The following SUDS3 variants were observed in gnomAD, a reference collection of about 807,000 sequenced individuals.
SUDS3 encodes sin3 histone deacetylase corepressor complex component SDS3.
A neutral mutation model predicts 53.5 loss-of-function variants in SUDS3; 23 were observed. The observed-to-expected ratio is 0.43, with a 90% CI of 0.31 to 0.61. The LOEUF is 0.61. Ranked by LOEUF, SUDS3 falls within the 20% of genes least tolerant of loss-of-function variation. SUDS3 has a pLI of 0.10. For missense variants in SUDS3, 291 were observed against 405.9 expected (o/e 0.72, Z 2.43); for synonymous variants, 150 against 148.5 (o/e 1.01, Z -0.08).
At chr12:118,392,595 G>A (rs1455921716) in intron 6 of SUDS3, among the ~76,000 whole-genome samples, 2 of 152,198 alleles carry the variant, frequency 1.3e-5, no homozygotes, top group African/African-American at 4.8e-5. Flanking sequence ...TTGTTCTTGT[G>A]AAAGTGCTTA....
intron 3 of SUDS3, among the ~76,000 whole-genome samples, chr12:118,385,230 T>C (rs964904420): frequency 2.0e-5 from 3 of 151,972 alleles, no homozygotes; most frequent in African/African-American, 4.8e-5. Context: ...TGCGTCAGCC[T>C]CCCGAGTAGC....
chr12:118,383,274 A>G (rs2046084315), intron 2 of SUDS3, among the ~76,000 whole-genome samples: 1 of 152,220 alleles, frequency 6.6e-6, no homozygotes, highest in African/African-American at 2.4e-5. Context: ...TCACTGTTAA[A>G]TTGAGGGTGT....
At chr12:118,402,654 A>G (rs1593775483) in intron 9 of SUDS3, 1 of 152,224 alleles carries the variant, frequency 6.6e-6, no homozygotes, top group South Asian at 2.1e-4. Context: ...TCTAGGTAAT[A>G]TCTTCCTGGG....
chr12:118,406,991 G>T (rs1225068038), intron 10 of SUDS3, among the ~76,000 whole-genome samples: 2 of 151,146 alleles, frequency 1.3e-5, no homozygotes, highest in African/African-American at 4.9e-5. Flanking sequence ...TGATCCCCCT[G>T]GCTCAAGCGA....
chr12:118,413,553 CAG>C (rs2046376113), intron 11 of SUDS3, among the ~76,000 whole-genome samples: 1 of 152,206 alleles, frequency 6.6e-6, no homozygotes, highest in African/African-American at 2.4e-5. Flanking sequence ...GTCTGGCACA[CAG>C]AGCTCAGTAA....
chr12:118,388,982 C>T (rs1488440675), intron 4 of SUDS3, among the ~76,000 whole-genome samples: 1 of 152,156 alleles, frequency 6.6e-6, no homozygotes. Flanking sequence ...AACCCCGTCT[C>T]TACTAAAAAT....
chr12:118,380,677 G>A (rs1054127162), intron 2 of SUDS3, among the ~76,000 whole-genome samples: 1 of 152,176 alleles, frequency 6.6e-6, no homozygotes, highest in Non-Finnish European at 1.5e-5. Flanking sequence ...AGGGAATGAG[G>A]CCGTACAACA....
intron 9 of SUDS3, 91 bp downstream of exon 9, chr12:118,402,095 T>C: frequency 6.8e-7 from 1 of 1,473,326 alleles, no homozygotes; most frequent in Non-Finnish European, 9.5e-7. Context: ...GTTGCAATTT[T>C]CAAAAATGAA....
At chr12:118,379,366 G>A (rs1241284536) in intron 1 of SUDS3, among the ~76,000 whole-genome samples, 1 of 152,158 alleles carries the variant, frequency 6.6e-6, no homozygotes, top group Non-Finnish European at 1.5e-5. Context: ...GAACCCAGGA[G>A]GTGGAGGTTG....
intron 6 of SUDS3, among the ~76,000 whole-genome samples, chr12:118,395,220 T>G (rs1437231442): frequency 2.4e-4 from 24 of 102,116 alleles, no homozygotes; most frequent in Non-Finnish European, 4.8e-4. Context: ...ATCAGGGTTT[T>G]TTTTTTTTTT....
rs2046384068 is a variant in SUDS3, at chr12:118,414,508, A to G, written c.*75A>G. ...TTTGTTTTGTTTCGTTTTCTCCTTAATAGAAAAATGTTAACTTACTGGGAA... is the reference window on the plus strand; with the variant it reads ...TTTGTTTTGTTTCGTTTTCTCCTTAGTAGAAAAATGTTAACTTACTGGGAA... On this transcript the variant is annotated 3_prime_UTR_variant, in exon 12 of 12. Coordinates refer to ENST00000543473, the MANE Select transcript of SUDS3 (RefSeq NM_022491.3). 2 of 1,229,126 alleles carry G rather than the reference A, an allele frequency of 1.6e-6. No homozygotes were observed. The highest frequency in any genetic ancestry group is 1.5e-5 in the African/African-American group (1 of 64,702). 76.1% of individuals were successfully genotyped at this position (1,229,126 alleles called of 1,614,324 possible). A position where few individuals can be genotyped will look rare whatever the true frequency, so the allele number is the denominator to read the frequency against.
At chr12:118,378,210 C>T (rs1412004556) in intron 1 of SUDS3, among the ~76,000 whole-genome samples, 2 of 152,124 alleles carry the variant, frequency 1.3e-5, no homozygotes, top group Non-Finnish European at 2.9e-5. Flanking sequence ...AAACAGTTTT[C>T]GTTTGATCAT....
chr12:118,408,580 C>T (rs1490147987), intron 10 of SUDS3, among the ~76,000 whole-genome samples: 1 of 152,120 alleles, frequency 6.6e-6, no homozygotes, highest in Admixed American at 6.6e-5. Context: ...GTGATCCACC[C>T]ACCTCGGCCT....
At position 118,383,998 on chromosome 12, in the gene SUDS3, T is replaced by C; in HGVS notation, c.213-14T>C. The C allele has an allele frequency of 6.3e-7, 1 of 1,599,438 alleles. No individual in the cohort carries two copies. Among genetic ancestry groups the C allele is most frequent in the Non-Finnish European group, 8.5e-7 (1 of 1,173,626 alleles). ...ATGTTTTTATCTGTTAGTGTGACTT[T>C]TTTTTTTTTATAGGATGTATCAGGA... On this transcript the variant is annotated splice_polypyrimidine_tract_variant and intron_variant, in intron 2 of 11. Transcript: ENST00000543473.
At chr12:118,378,300 G>A (rs1158309050) in intron 1 of SUDS3, among the ~76,000 whole-genome samples, 1 of 152,104 alleles carries the variant, frequency 6.6e-6, no homozygotes, top group Admixed American at 6.6e-5. Flanking sequence ...ATTGTATACA[G>A]TTGGCTCTGC....
At chr12:118,385,765 G>A (rs917690231) in intron 3 of SUDS3, among the ~76,000 whole-genome samples, 27 of 152,228 alleles carry the variant, frequency 1.8e-4, no homozygotes, top group African/African-American at 5.8e-4. Flanking sequence ...ACTGGAGAGC[G>A]TTGACCTAGA....
intron 9 of SUDS3, 107 bp downstream of exon 9, chr12:118,402,111 C>G: frequency 7.8e-7 from 1 of 1,284,236 alleles, no homozygotes. Context: ...ATGAAATGTT[C>G]ATCATTTGCC....
rs138769431 is a variant in SUDS3 at position 118,394,732 on chromosome 12, G to T, written c.517+3450G>T. On this transcript the variant is annotated intron_variant, in intron 6 of 11. Coordinates refer to ENST00000543473, the MANE Select transcript of SUDS3 (RefSeq NM_022491.3). ...ACAGGGTCTCACTCCAGTTGCCAAG[G>T]GTGGAGTGCAATGGTGCCATCGGGG... 7.3e-3 allele frequency among the ~76,000 whole-genome samples: 1,106 copies of T among 152,264 alleles called. 12 individuals carry two copies. Among genetic ancestry groups the T allele is most frequent in the Non-Finnish European group, 0.012 (803 of 68,004 alleles).
At chr12:118,403,164 C>T (rs2046278950) in intron 9 of SUDS3, among the ~76,000 whole-genome samples, 1 of 152,194 alleles carries the variant, frequency 6.6e-6, no homozygotes, top group South Asian at 2.1e-4. Context: ...TGACCTTAAT[C>T]TTCCTGAAAC....
Sources: gnomAD v4.1 joint callset for allele counts (sites outside exome capture counted in the v4.1 genomes callset) on GRCh38, gnomAD v4.1.1 for gene constraint, MANE v1.5 for transcripts, NCBI Gene and HGNC (gene_info 2026-07-23, HGNC 2026-07-21) for gene names.